The following COPG2 variants were observed in gnomAD, a reference collection of about 807,000 sequenced individuals.
COPG2 encodes coatomer subunit gamma-2.
A neutral mutation model predicts 46.3 loss-of-function variants in COPG2; 37 were observed. The ratio of observed to expected loss-of-function variants is 0.80; its 90% CI spans 0.61 to 1.05. The LOEUF (loss-of-function observed/expected upper bound fraction) is 1.05. Ranked by LOEUF, COPG2 falls within the 50% of genes least tolerant of loss-of-function variation. The pLI is 0.00. For missense variants in COPG2, 427 were observed against 387.8 expected, an observed-to-expected ratio of 1.10 and a Z score of -0.85; for synonymous variants, 159 against 129.7, an observed-to-expected ratio of 1.23 and a Z score of -1.53.
chr7:130,667,641 GCA>G (rs1244842206), intron 1 of COPG2, 107 bp from the exon 2 acceptor site: 10 of 795,134 alleles, frequency 1.3e-5, no homozygotes, highest in Non-Finnish European at 1.9e-5. Flanking sequence ...CACTTGGATG[GCA>G]CAGTGATAAT....
chr7:130,668,485 A>AG, intron 1 of COPG2, 147 bp downstream of exon 1: 1 of 529,342 alleles, frequency 1.9e-6, no homozygotes, highest in Non-Finnish European at 2.9e-6. Flanking sequence ...GGCAGCCGCG[A>AG]GGGGAGGGGA....
chr7:130,653,289 T>A (rs953147480), intron 4 of COPG2, among the ~76,000 whole-genome samples: 1 of 152,206 alleles, frequency 6.6e-6, no homozygotes, highest in African/African-American at 2.4e-5. Flanking sequence ...AGTTACGCTC[T>A]GTTGCCTAGG....
intron 9 of COPG2, among the ~76,000 whole-genome samples, chr7:130,589,302 G>A (rs960257497): frequency 9.3e-5 from 14 of 151,184 alleles, no homozygotes; most frequent in African/African-American, 2.4e-4. Flanking sequence ...TTTAAGAGTC[G>A]GGTCTCACTG....
intron 5 of COPG2, among the ~76,000 whole-genome samples, chr7:130,621,943 CAAAAAAAA>C (rs562107230): frequency 1.5e-5 from 1 of 67,538 alleles, no homozygotes; most frequent in Non-Finnish European, 3.1e-5. Flanking sequence ...GACTCCATCT[CAAAAAAAA>C]AAAAAAAAAA....
intron 5 of COPG2, among the ~76,000 whole-genome samples, chr7:130,644,845 T>C (rs1340357449): frequency 6.6e-6 from 1 of 152,086 alleles, no homozygotes; most frequent in Non-Finnish European, 1.5e-5. Context: ...GCAGATCACC[T>C]GAGGTCACAA....
intron 20 of COPG2, among the ~76,000 whole-genome samples, chr7:130,536,495 G>GGT (rs1799880900): frequency 6.6e-6 from 1 of 152,120 alleles, no homozygotes; most frequent in African/African-American, 2.4e-5. Flanking sequence ...ATCTCTAAAA[G>GGT]GAACACAGAT....
At chr7:130,513,307 AAATATATAT>A (rs1431553748) in intron 20 of COPG2, among the ~76,000 whole-genome samples, 9 of 47,716 alleles carry the variant, frequency 1.9e-4, no homozygotes, top group African/African-American at 5.7e-4. Context: ...AAAAAAAAAA[AAATATATAT>A]ATATATATAT....
At chr7:130,556,119 G>T (rs1793619214) in intron 12 of COPG2, among the ~76,000 whole-genome samples, 1 of 152,176 alleles carries the variant, frequency 6.6e-6, no homozygotes, top group Non-Finnish European at 1.5e-5. Context: ...CTGCATTACT[G>T]AATAAGAACC....
intron 9 of COPG2, chr7:130,603,928 C>T (rs1794683677): frequency 2.1e-6 from 1 of 486,128 alleles, no homozygotes; most frequent in Non-Finnish European, 4.1e-6. Flanking sequence ...AGTTCATTAA[C>T]ACGTTTTATG....
At chr7:130,615,473 A>T (rs1449976438) in intron 6 of COPG2, among the ~76,000 whole-genome samples, 3 of 152,188 alleles carry the variant, frequency 2.0e-5, no homozygotes, top group East Asian at 1.9e-4. Context: ...GAAGTTTAAG[A>T]TTCTGATAGG....
At chr7:130,554,790 C>T (rs1793593712) in intron 13 of COPG2, 66 bp from the exon 14 acceptor site, 5 of 398,226 alleles carry the variant, frequency 1.3e-5, no homozygotes, top group African/African-American at 2.1e-5. Flanking sequence ...TGCTTACACT[C>T]CAAGGTTTAT....
intron 5 of COPG2, among the ~76,000 whole-genome samples, chr7:130,621,463 C>T (rs1795036859): frequency 6.6e-6 from 1 of 152,182 alleles, no homozygotes; most frequent in African/African-American, 2.4e-5. Context: ...AGCTGCAGCA[C>T]AAAGGCAGTT....
intron 20 of COPG2, among the ~76,000 whole-genome samples, chr7:130,529,918 C>A (rs1330137630): frequency 6.6e-6 from 1 of 152,156 alleles, no homozygotes. Flanking sequence ...GCTTGTAATG[C>A]AAAATATACG....
intron 5 of COPG2, among the ~76,000 whole-genome samples, chr7:130,636,669 C>T (rs545981980): frequency 2.0e-5 from 3 of 151,476 alleles, no homozygotes; most frequent in South Asian, 2.1e-4. Flanking sequence ...ATCTTGACTC[C>T]TTATCCAATT....
At chr7:130,595,432 TGGTGG>T (rs1794509624) in intron 9 of COPG2, among the ~76,000 whole-genome samples, 1 of 152,158 alleles carries the variant, frequency 6.6e-6, no homozygotes, top group Admixed American at 6.6e-5. Context: ...CTGGAATTAG[TGGTGG>T]TGGTTACATA....
chr7:130,613,198 C>T (rs760043446), intron 7 of COPG2, among the ~76,000 whole-genome samples: 17 of 152,090 alleles, frequency 1.1e-4, no homozygotes, highest in Non-Finnish European at 1.9e-4. Context: ...CATATGAGGC[C>T]GGCAACCTAG....
At chr7:130,507,643 T>C (rs370892779) in intron 22 of COPG2, 42 bp downstream of exon 22, 12 of 769,412 alleles carry the variant, frequency 1.6e-5, no homozygotes, top group Non-Finnish European at 2.4e-5. Flanking sequence ...TTAGGTGTTA[T>C]ACTGTTATCA....
At position 130,617,137 on chromosome 7, in the gene COPG2, TC is replaced by T. The variant is rs1475379932; in HGVS notation, c.324-73del. 8.6e-6 allele frequency: 7 copies of T among 816,362 alleles called. No individual in the cohort carries two copies. The Admixed American group carries it at 1.3e-4, about 15-fold the overall frequency. 50.6% of individuals were successfully genotyped at this position (816,362 alleles called of 1,614,324 possible). A position where few individuals can be genotyped will look rare whatever the true frequency, so the allele number is the denominator to read the frequency against. ...CCATGGAGTTCACCCCTAGCCAATT[TC>T]CAATTGTCCCATAATTATCTTAATG... On this transcript the variant is annotated intron_variant, in intron 5 of 23. Transcript: ENST00000425248.
intron 17 of COPG2, among the ~76,000 whole-genome samples, chr7:130,550,279 C>T (rs948095781): frequency 1.3e-5 from 2 of 151,724 alleles, no homozygotes; most frequent in African/African-American, 4.8e-5. Context: ...GGTGTGGTGG[C>T]GCATGCCTGT....
Sources: allele counts gnomAD v4.1 joint callset (sites outside exome capture counted in the v4.1 genomes callset), GRCh38; gene constraint gnomAD v4.1.1; transcripts MANE v1.5; gene names NCBI Gene and HGNC (gene_info 2026-07-23, HGNC 2026-07-21).